Variants in GNG7 observed in about 807,000 individuals in gnomAD.
GNG7 encodes the protein G protein subunit gamma 7, also known as guanine nucleotide-binding protein G(I)/G(S)/G(O) subunit gamma-7.
In GNG7, 1 loss-of-function variant was observed where a neutral mutation model predicts 4.0. The observed-to-expected ratio is 0.25, with a 90% CI of 0.09 to 1.18. GNG7 has a LOEUF of 1.18. Ranked by LOEUF, GNG7 falls within the 50% of genes most tolerant of loss-of-function variation. GNG7 has a pLI of 0.50. For missense variants in GNG7, 86 were observed against 91.9 expected (o/e 0.94, Z 0.26); for synonymous variants, 34 against 36.9 (o/e 0.92, Z 0.29).
chr19:2,693,578 T>C (rs923149016), intron 1 of GNG7, among the ~76,000 whole-genome samples: 3 of 152,096 alleles, frequency 2.0e-5, no homozygotes, highest in Non-Finnish European at 4.4e-5. Context: ...CCAGGGTCTC[T>C]CCCCTGGGCA....
intron 3 of GNG7, among the ~76,000 whole-genome samples, chr19:2,542,103 T>G (rs1978980123): frequency 7.2e-6 from 1 of 137,964 alleles, no homozygotes; most frequent in African/African-American, 2.7e-5. Context: ...CAGCGCTGTG[T>G]GTTCTTTTTT....
chr19:2,697,165 C>T (rs77285269), intron 1 of GNG7, among the ~76,000 whole-genome samples: 10,421 of 152,284 alleles, frequency 0.068, 659 homozygotes, highest in African/African-American at 0.17. Context: ...AGCTGATAAA[C>T]TTATTTAAAA....
chr19:2,672,495 G>A (rs188898247), intron 1 of GNG7, among the ~76,000 whole-genome samples: 5 of 149,748 alleles, frequency 3.3e-5, no homozygotes, highest in East Asian at 2.0e-4. Context: ...CATCCAGGCT[G>A]GAGTGCAGTG....
intron 2 of GNG7, among the ~76,000 whole-genome samples, chr19:2,573,275 A>G (rs1363851359): frequency 2.0e-5 from 3 of 151,454 alleles, no homozygotes; most frequent in African/African-American, 7.3e-5. Flanking sequence ...CGCCCGCCTC[A>G]GCCTCCCAAA....
intron 3 of GNG7, among the ~76,000 whole-genome samples, chr19:2,534,784 C>T (rs1009126845): frequency 1.3e-5 from 2 of 152,160 alleles, no homozygotes; most frequent in Admixed American, 1.3e-4. Context: ...GGCTTGAGAC[C>T]CAAGAGCAGA....
At chr19:2,585,073 A>G in intron 2 of GNG7, among the ~76,000 whole-genome samples, 1 of 126,236 alleles carries the variant, frequency 7.9e-6, no homozygotes, top group Non-Finnish European at 1.7e-5. Flanking sequence ...GGAGGGAGGG[A>G]GGGATGGAGG....
chr19:2,559,139 T>TATATAC (rs1555693801), intron 2 of GNG7, among the ~76,000 whole-genome samples: 2 of 151,412 alleles, frequency 1.3e-5, no homozygotes, highest in Admixed American at 6.6e-5. Context: ...TATATATATA[T>TATATAC]ACACACACAC....
chr19:2,652,767 T>C (rs76359417), intron 1 of GNG7, among the ~76,000 whole-genome samples: 5,918 of 152,160 alleles, frequency 0.039, 205 homozygotes, highest in African/African-American at 0.089. Context: ...GATGTCACTG[T>C]AGCCTGTGAA....
chr19:2,584,654 GGGAA>G (rs1417906206), intron 2 of GNG7, among the ~76,000 whole-genome samples: 60 of 88,162 alleles, frequency 6.8e-4, no homozygotes, highest in African/African-American at 2.8e-3. Flanking sequence ...GAGGGAGGGA[GGGAA>G]GGAAGGAAAG....
chr19:2,678,850 C>T (rs973429022), intron 1 of GNG7, among the ~76,000 whole-genome samples: 7 of 152,060 alleles, frequency 4.6e-5, no homozygotes, highest in Non-Finnish European at 8.8e-5. Flanking sequence ...ACCCATCCTC[C>T]GTCATGCAGC....
chr19:2,661,294 G>A (rs1230418631), intron 1 of GNG7, among the ~76,000 whole-genome samples: 1 of 42,476 alleles, frequency 2.4e-5, no homozygotes, highest in Non-Finnish European at 4.3e-5. Context: ...AAGAAAGAAA[G>A]AAAGAAAGAG....
chr19:2,583,073 T>A (rs1448412645), intron 2 of GNG7, among the ~76,000 whole-genome samples: 2 of 152,134 alleles, frequency 1.3e-5, no homozygotes, highest in Non-Finnish European at 2.9e-5. Flanking sequence ...CCCAAAGTAA[T>A]GAGATTACAG....
intron 2 of GNG7, among the ~76,000 whole-genome samples, chr19:2,604,276 C>T (rs1437940356): frequency 6.6e-6 from 1 of 151,744 alleles, no homozygotes; most frequent in South Asian, 2.1e-4. Flanking sequence ...TTGAGACCAG[C>T]CTGGGCAACA....
At chr19:2,684,104 T>C (rs998340221) in intron 1 of GNG7, among the ~76,000 whole-genome samples, 2 of 150,058 alleles carry the variant, frequency 1.3e-5, no homozygotes, top group African/African-American at 4.9e-5. Context: ...GGTGGCTCAC[T>C]TGAGGTCAGG....
At chr19:2,685,616 C>A (rs1228943850) in intron 1 of GNG7, among the ~76,000 whole-genome samples, 1 of 152,102 alleles carries the variant, frequency 6.6e-6, no homozygotes, top group Non-Finnish European at 1.5e-5. Context: ...CAGAGGGAGA[C>A]CCTGTCTCAA....
intron 2 of GNG7, among the ~76,000 whole-genome samples, chr19:2,563,236 C>T (rs1386824759): frequency 1.3e-5 from 2 of 152,158 alleles, no homozygotes; most frequent in African/African-American, 4.8e-5. Flanking sequence ...GTGTGAGCCA[C>T]TGCGTCCGGC....
At chr19:2,661,158 C>T (rs1983133711) in intron 1 of GNG7, among the ~76,000 whole-genome samples, 1 of 148,126 alleles carries the variant, frequency 6.8e-6, no homozygotes, top group African/African-American at 2.5e-5. Context: ...TTGCAGTGAG[C>T]CAAGATCGTG....
intron 2 of GNG7, among the ~76,000 whole-genome samples, chr19:2,563,854 G>A (rs1341229613): frequency 6.6e-6 from 1 of 152,134 alleles, no homozygotes; most frequent in African/African-American, 2.4e-5. Context: ...GAACTGTTGA[G>A]TTATTTAAAC....
Position 2,691,605 on chromosome 19 carries a change from G to A in GNG7, c.-135+11041C>T, listed in dbSNP as rs544026840. Among the ~76,000 whole-genome samples, 7 of 151,826 alleles carry A rather than the reference G, an allele frequency of 4.6e-5. No individual in the cohort carries two copies. The East Asian group carries it at 1.4e-3, about 29-fold the overall frequency. ...AAAAGAGCCGGGCGTGGTGGCTCAC[G>A]CCTGTAATCCCAGCACTTTGGGAAG... On this transcript the variant is annotated intron_variant, in intron 1 of 4. Coordinates refer to ENST00000382159, the MANE Select transcript of GNG7 (RefSeq NM_052847.3).
Sources: allele counts gnomAD v4.1 joint callset (sites outside exome capture counted in the v4.1 genomes callset), GRCh38; gene constraint gnomAD v4.1.1; transcripts MANE v1.5; gene names NCBI Gene and HGNC (gene_info 2026-07-23, HGNC 2026-07-21).